Variants in HMCN1 observed in about 807,000 individuals in gnomAD.
HMCN1 encodes the protein hemicentin 1, also known as hemicentin-1.
Under a neutral mutation model 625.9 loss-of-function variants are expected in HMCN1, and 321 were observed. The ratio of observed to expected loss-of-function variants is 0.51; its 90% CI spans 0.47 to 0.56. The LOEUF (loss-of-function observed/expected upper bound fraction) is 0.56. Ranked by LOEUF, HMCN1 falls within the 20% of genes least tolerant of loss-of-function variation. The pLI, the probability that HMCN1 is intolerant of heterozygous loss-of-function variation, is 0.00. For synonymous variants in HMCN1, 2,425 were observed against 2,417.6 expected, an observed-to-expected ratio of 1.00 and a Z score of -0.09; for missense variants, 6,588 against 6,887.3, an observed-to-expected ratio of 0.96 and a Z score of 1.54.
chr1:186,007,688 C>T (rs1046870023), intron 30 of HMCN1, among the ~76,000 whole-genome samples: 4 of 152,074 alleles, frequency 2.6e-5, no homozygotes, highest in African/African-American at 9.7e-5. Context: ...CCATCGTGGC[C>T]GTTATCCTGA....
At position 186,093,206 on chromosome 1, in the gene HMCN1, T is replaced by A; in HGVS notation, c.9960T>A (p.Val3320=). ...LTSDTGKYTC[V]ATNPAGEEDR... The stretch of plus-strand genomic sequence containing the variant: ...CTGACACGGGGAAATACACATGTGT[T>A]GCTACTAATCCCGCTGGAGAAGAAG... Residue 3320 remains valine, a synonymous_variant, in exon 65 of 107, where the codon GTT becomes GTA. Coordinates refer to ENST00000271588, the MANE Select transcript of HMCN1 (RefSeq NM_031935.3). 1 of 1,613,306 alleles carries A rather than the reference T, an allele frequency of 6.2e-7. No homozygotes were observed.
intron 46 of HMCN1, among the ~76,000 whole-genome samples, chr1:186,060,966 G>T (rs1277200865): frequency 2.0e-5 from 3 of 152,042 alleles, no homozygotes; most frequent in African/African-American, 7.2e-5. Context: ...TTTAGTGAGT[G>T]CAATAAAATC....
At chr1:185,991,816 T>C (rs1652450611) in intron 22 of HMCN1, among the ~76,000 whole-genome samples, 1 of 152,160 alleles carries the variant, frequency 6.6e-6, no homozygotes. Flanking sequence ...CAATTCCTGG[T>C]CAAAGCAAAC....
At chr1:185,935,050 C>A (rs1053358065) in intron 11 of HMCN1, among the ~76,000 whole-genome samples, 1 of 152,010 alleles carries the variant, frequency 6.6e-6, no homozygotes, top group Non-Finnish European at 1.5e-5. Context: ...TAATATGAGT[C>A]GATCCAAGTT....
chr1:186,088,055 T>C (rs771063702), intron 61 of HMCN1, 42 bp downstream of exon 61: 2 of 1,611,184 alleles, frequency 1.2e-6, no homozygotes, highest in African/African-American at 1.3e-5. Context: ...CCCCTAGATA[T>C]GCAAATGAAA....
rs138888679 is a variant in HMCN1, at chr1:186,021,097, A to G, written c.5625+1402A>G. 4.5e-3 allele frequency among the ~76,000 whole-genome samples: 690 copies of G among 152,256 alleles called. 25 individuals carry two copies. The highest frequency in any genetic ancestry group is 0.038 in the Admixed American group (574 of 15,270). On this transcript the variant is annotated intron_variant, in intron 35 of 106. Coordinates refer to ENST00000271588, the MANE Select transcript of HMCN1 (RefSeq NM_031935.3). ...CATTTGTCTAGGAGAGAGAAAAGAT[A>G]GAAATTTAGACTCATATGTTGGCCA...
At chr1:186,092,412 A>G (rs2102414852) in intron 64 of HMCN1, among the ~76,000 whole-genome samples, 1 of 152,060 alleles carries the variant, frequency 6.6e-6, no homozygotes. Flanking sequence ...AACAAGATAT[A>G]ATAGAAATGG....
rs142326948 is a variant in HMCN1 at position 186,076,353 on chromosome 1, C to T, written c.8291-75C>T. 1.9e-4 allele frequency: 259 copies of T among 1,361,308 alleles called. No individual in the cohort carries two copies. The African/African-American group carries it at 3.4e-3, about 18-fold the overall frequency. The allele number at this position is 1,361,308 out of a possible 1,614,324, so 84.3% of individuals were successfully genotyped here. On this transcript the variant is annotated intron_variant, in intron 53 of 106. Transcript: ENST00000271588. Reference sequence around the variant, plus strand: ...TCTAATCTATTGCTTTTACAAATCACTCTGGTGAAAACACAGCCAAGATCT... The same window carrying T: ...TCTAATCTATTGCTTTTACAAATCATTCTGGTGAAAACACAGCCAAGATCT...
intron 2 of HMCN1, among the ~76,000 whole-genome samples, chr1:185,848,945 A>G (rs964051244): frequency 3.3e-5 from 5 of 152,126 alleles, no homozygotes; most frequent in Non-Finnish European, 5.9e-5. Flanking sequence ...ATTTTCTTGC[A>G]TTTATTCTTG....
At position 186,090,867 on chromosome 1, in the gene HMCN1, A is replaced by G. The variant is rs751849743; in HGVS notation, c.9837A>G (p.Gln3279=). 2.1e-5 allele frequency: 34 copies of G among 1,612,534 alleles called. No homozygotes were observed. The East Asian group carries it at 4.2e-4, about 20-fold the overall frequency. The change falls in exon 64 of 107, where the codon CAA becomes CAG. Residue 3279 remains glutamine (Q), a synonymous_variant. Transcript: ENST00000271588. ...NANGIPTPLI[Q]WLKDGKPIAS... ...ATGGCATTCCTACTCCACTTATTCA[A>G]TGGCTTAAAGATGGAAAGCCCATAG...
Position 185,987,525 on chromosome 1 carries a change from C to G in HMCN1, c.3029C>G (p.Pro1010Arg). ...LPCKASGNPKPSVIWSKKGEL... is the reference protein window; with the variant it reads ...LPCKASGNPKRSVIWSKKGEL... ...TGCAAAGCAAGTGGAAATCCCAAAC[C>G]GTCTGTCATCTGGTCCAAGGTAAAT... The change falls in exon 20 of 107, where the codon CCG (proline) becomes CGG (arginine). Residue 1010 changes from proline to arginine, a missense_variant. Physicochemically the swap from Pro to Arg is moderately radical, Grantham distance 103. Around this residue, in one of 3 missense-constraint regions of HMCN1, gnomAD observed 4,628 missense variants for 4,853.1 expected, o/e 0.95. Transcript: ENST00000271588. 1 of 1,609,646 alleles carries G rather than the reference C, an allele frequency of 6.2e-7. No individual in the cohort carries two copies. Among genetic ancestry groups the G allele is most frequent in the Non-Finnish European group, 8.5e-7 (1 of 1,176,010 alleles).
At chr1:185,999,608 AT>A (rs1489357183) in intron 25 of HMCN1, among the ~76,000 whole-genome samples, 1 of 152,058 alleles carries the variant, frequency 6.6e-6, no homozygotes, top group Non-Finnish European at 1.5e-5. Context: ...TCGTGTCTCC[AT>A]ATCATATATA....
At chr1:185,954,888 T>G (rs1345809112) in intron 11 of HMCN1, among the ~76,000 whole-genome samples, 2 of 152,210 alleles carry the variant, frequency 1.3e-5, no homozygotes, top group Non-Finnish European at 2.9e-5. Context: ...GGAGACGTTT[T>G]CTTTGGACTG....
chr1:186,111,064 T>C (rs1660860457), intron 71 of HMCN1, among the ~76,000 whole-genome samples: 1 of 140,136 alleles, frequency 7.1e-6, no homozygotes, highest in African/African-American at 2.7e-5. Flanking sequence ...CACTGCAAGC[T>C]CCGCCTCCTG....
At chr1:186,109,598 C>A (rs1208336061) in intron 71 of HMCN1, among the ~76,000 whole-genome samples, 2 of 152,048 alleles carry the variant, frequency 1.3e-5, no homozygotes, top group Non-Finnish European at 2.9e-5. Flanking sequence ...AGCAAATAAT[C>A]CAGACTAAAG....
chr1:186,127,720 TAGAG>T (rs1661715600), intron 82 of HMCN1, among the ~76,000 whole-genome samples: 2 of 152,144 alleles, frequency 1.3e-5, no homozygotes, highest in Non-Finnish European at 1.5e-5. Context: ...GGTACCGCCT[TAGAG>T]AGCCAATTAT....
chr1:185,865,241 A>T (rs561891424), intron 3 of HMCN1, among the ~76,000 whole-genome samples: 1 of 152,328 alleles, frequency 6.6e-6, no homozygotes, highest in East Asian at 1.9e-4. Context: ...TGGCAGAAAC[A>T]CTTGAGAGCA....
At chr1:185,931,712 T>A (rs1349766821) in intron 10 of HMCN1, among the ~76,000 whole-genome samples, 1 of 152,140 alleles carries the variant, frequency 6.6e-6, no homozygotes, top group Admixed American at 6.6e-5. Context: ...GGCCCTGAAT[T>A]GAGCCAGGAG....
At position 186,087,438 on chromosome 1, in the gene HMCN1, C is replaced by T. The variant is rs566463343; in HGVS notation, c.9161-5C>T. 17 of 1,612,770 alleles carry T rather than the reference C, an allele frequency of 1.1e-5. No homozygotes were observed. In the African/African-American group the frequency reaches 2.0e-4, roughly 19 times the overall value. On this transcript the variant is annotated splice_region_variant and splice_polypyrimidine_tract_variant and intron_variant, in intron 59 of 106. Transcript: ENST00000271588. Reference sequence around the variant, plus strand: ...GAAAATCCTTCTGTTATTTTCTTCCCTCAGTGCCCCCAAGCATTAAAGACC... The same window carrying T: ...GAAAATCCTTCTGTTATTTTCTTCCTTCAGTGCCCCCAAGCATTAAAGACC...
Sources: gnomAD v4.1 joint callset for allele counts (sites outside exome capture counted in the v4.1 genomes callset) on GRCh38, gnomAD v4.1.1 for gene constraint, gnomAD v4.1.1 regional missense constraint, MANE v1.5 for transcripts, NCBI Gene and HGNC (gene_info 2026-07-23, HGNC 2026-07-21) for gene names.